BHLHE40: variants seen among roughly 807,000 people sequenced by gnomAD.
The protein encoded by BHLHE40 is class E basic helix-loop-helix protein 40.
In BHLHE40, 3 loss-of-function variants were observed where a neutral mutation model predicts 35.7. That is an observed-to-expected ratio of 0.08 (90% CI 0.04 to 0.22). The LOEUF (loss-of-function observed/expected upper bound fraction) is 0.22, where lower values mean the gene tolerates loss of function less well. Ranked by LOEUF, BHLHE40 falls within the 10% of genes least tolerant of loss-of-function variation. The pLI is 1.00. For missense variants in BHLHE40, 486 were observed against 524.0 expected, an observed-to-expected ratio of 0.93 and a Z score of 0.71; for synonymous variants, 236 against 213.0, an observed-to-expected ratio of 1.11 and a Z score of -0.94.
At chr3:4,981,329 A>G in intron 3 of BHLHE40, 63 bp from the exon 4 acceptor site, 2 of 1,562,948 alleles carry the variant, frequency 1.3e-6, no homozygotes, top group South Asian at 2.4e-5. Context: ...CTCATTGCTA[A>G]TAAATGTCCC....
chr3:4,980,124 G>A (rs765264450), intron 2 of BHLHE40, 93 bp downstream of exon 2: 326 of 1,388,786 alleles, frequency 2.3e-4, no homozygotes, highest in Non-Finnish European at 3.1e-4. Flanking sequence ...TTGGCGAGGG[G>A]ATGCAGGGTG....
chr3:4,981,693 C>T (rs2053199070), intron 4 of BHLHE40, 178 bp downstream of exon 4: 6 of 763,392 alleles, frequency 7.9e-6, no homozygotes, highest in African/African-American at 5.3e-5. Flanking sequence ...ATGCATTGTG[C>T]CACCTGGCAT....
At position 4,984,479 on chromosome 3, in the gene BHLHE40, T is replaced by A. The variant is rs183998579; in HGVS notation, c.*787T>A. 1.2e-4 allele frequency: 18 copies of A among 152,364 alleles called. No individual in the cohort carries two copies. The highest frequency in any genetic ancestry group is 1.0e-3 in the Admixed American group (16 of 15,282). The allele number at this position is 152,364 out of a possible 1,614,324, so 9.4% of individuals were successfully genotyped here. A position where few individuals can be genotyped will look rare whatever the true frequency, so the allele number is the denominator to read the frequency against. ...GTTTCTAGGCCTAACCATTAGTACT[T>A]ACTGTGCAGGGAACCAAACCAAGGT... On this transcript the variant is annotated 3_prime_UTR_variant, in exon 5 of 5. Transcript: ENST00000256495.
rs777935965 is a variant in BHLHE40, at chr3:4,982,931, C to A, written c.478C>A (p.His160Asn). ...GGAGGTGCTTCAGTATCTGGCCAAG[C>A]ACGAGAACACTCGGGACCTGAAGTC... Reference protein sequence around the residue: ...AREVLQYLAKHENTRDLKSSQ... With the variant: ...AREVLQYLAKNENTRDLKSSQ... Residue 160 changes from histidine (H) to asparagine (N), a missense_variant, in exon 5 of 5, where the codon CAC becomes AAC. Around this residue, in one of 5 missense-constraint regions of BHLHE40, gnomAD observed 176 missense variants for 180.5 expected, o/e 0.98. Transcript: ENST00000256495. The A allele has an allele frequency of 6.2e-7, 1 of 1,613,974 alleles. No individual in the cohort carries two copies. Among genetic ancestry groups the A allele is most frequent in the Non-Finnish European group, 8.5e-7 (1 of 1,180,002 alleles).
In BHLHE40 at chr3:4,983,698, C is replaced by T; in HGVS notation, c.*6C>T. 5 of 1,577,276 alleles carry T rather than the reference C, an allele frequency of 3.2e-6. No individual in the cohort carries two copies. The highest frequency in any genetic ancestry group is 4.3e-6 in the Non-Finnish European group (5 of 1,163,166). ...ACTTAGAAACCAAAGACTAAACTCT[C>T]TAGGGGATCCTGCTGCTTTGCTTTC... On this transcript the variant is annotated 3_prime_UTR_variant, in exon 5 of 5. Coordinates refer to ENST00000256495, the MANE Select transcript of BHLHE40 (RefSeq NM_003670.3). This position sits in a 1 kb window ranked among gnomAD's most constrained non-coding sequence, Gnocchi z 5.0.
Position 4,983,850 on chromosome 3 carries a change from G to GTGTGTA in BHLHE40, c.*163_*168dup, listed in dbSNP as rs113672785. ...TCAGGGTGTGTGTGTGTGTGTGTGT[G>GTGTGTA]TGTGTATGTGCGTGTGCGTGCACAT... is the stretch of plus-strand genomic sequence containing the variant. On this transcript the variant is annotated 3_prime_UTR_variant, in exon 5 of 5. Coordinates refer to ENST00000256495, the MANE Select transcript of BHLHE40 (RefSeq NM_003670.3). This position sits in a 1 kb window ranked among gnomAD's most constrained non-coding sequence, Gnocchi z 5.0. The GTGTGTA allele has an allele frequency of 0.049, 46,393 of 954,840 alleles. 707 individuals are homozygous for GTGTGTA. Among genetic ancestry groups the GTGTGTA allele is most frequent in the Admixed American group, 0.13 (4,631 of 35,548 alleles). 59.1% of individuals were successfully genotyped at this position (954,840 alleles called of 1,614,324 possible).
intron 3 of BHLHE40, 73 bp downstream of exon 3, chr3:4,980,481 G>C: frequency 7.7e-7 from 1 of 1,292,984 alleles, no homozygotes; most frequent in Non-Finnish European, 1.1e-6. Flanking sequence ...GCCGCCTGCA[G>C]GTTCCGCGGG....
At chr3:4,980,274 C>G (rs1389531642) in intron 2 of BHLHE40, 27 bp from the exon 3 acceptor site, 1 of 1,601,112 alleles carries the variant, frequency 6.2e-7, no homozygotes, top group Non-Finnish European at 8.6e-7. Flanking sequence ...TCCCCAAGCG[C>G]CCACCGCCTC....
At position 4,979,978 on chromosome 3, in the gene BHLHE40, A is replaced by C; in HGVS notation, c.97A>C (p.Met33Leu). 1 of 1,614,134 alleles carries C rather than the reference A, an allele frequency of 6.2e-7. No homozygotes were observed. The highest frequency in any genetic ancestry group is 2.2e-5 in the East Asian group (1 of 44,876). The change falls in exon 2 of 5, where the codon ATG becomes CTG. Residue 33 changes from methionine (M) to leucine (L), a missense_variant. Transcript: ENST00000256495. ...GDLPGMYPAHMYQVYKSRRGI... is the reference protein window; with the variant it reads ...GDLPGMYPAHLYQVYKSRRGI... The stretch of plus-strand genomic sequence containing the variant: ...TTCCTGCAGGATGTACCCTGCCCAC[A>C]TGTACCAAGTGTACAAGTCAAGACG...
At position 4,984,469 on chromosome 3, in the gene BHLHE40, C is replaced by G. The variant is rs187438302; in HGVS notation, c.*777C>G. 7.9e-5 allele frequency: 12 copies of G among 152,420 alleles called. 1 individual carries two copies. The highest frequency in any genetic ancestry group is 3.9e-4 in the Admixed American group (6 of 15,296). 9.4% of individuals were successfully genotyped at this position (152,420 alleles called of 1,614,324 possible). On this transcript the variant is annotated 3_prime_UTR_variant, in exon 5 of 5. Coordinates refer to ENST00000256495, the MANE Select transcript of BHLHE40 (RefSeq NM_003670.3). Reference sequence around the variant, plus strand: ...TCTGGCACCTGTTTCTAGGCCTAACCATTAGTACTTACTGTGCAGGGAACC... The same window carrying G: ...TCTGGCACCTGTTTCTAGGCCTAACGATTAGTACTTACTGTGCAGGGAACC...
chr3:4,979,772 G>C lies in BHLHE40; in HGVS notation c.54G>C (p.Pro18=). 6.3e-7 allele frequency: 1 copy of C among 1,589,234 alleles called. No individual in the cohort carries two copies. ...QPPPACLPKA[P]GLEHGDLPGM... ...CCCCCGCCTGCCTGCCCAAAGCACC[G>C]GGACTGGAGCACGGAGACCTACCAG... Residue 18 remains proline (P), a synonymous_variant, in exon 1 of 5, where the codon CCG becomes CCC. Transcript: ENST00000256495.
At chr3:4,981,142 GT>G (rs1158020919) in intron 3 of BHLHE40, among the ~76,000 whole-genome samples, 3 of 147,802 alleles carry the variant, frequency 2.0e-5, no homozygotes, top group African/African-American at 7.5e-5. Flanking sequence ...GGTGGCACCC[GT>G]TTTTTTAAAT....
At position 4,981,463 on chromosome 3, in the gene BHLHE40, A is replaced by G; in HGVS notation, c.330A>G (p.Leu110=). The G allele has an allele frequency of 6.2e-7, 1 of 1,614,054 alleles. No homozygotes were observed. Among genetic ancestry groups the G allele is most frequent in the South Asian group, 1.1e-5 (1 of 91,078 alleles). The change falls in exon 4 of 5, where the codon CTA becomes CTG. Residue 110 remains leucine (L), a synonymous_variant. Transcript: ENST00000256495. ...AGCATGTGAAAGCACTAACAAACCT[A>G]ATTGATCAGCAGCAGCAGAAAATCA... ...TLKHVKALTN[L]IDQQQQKIIA...
At position 4,984,730 on chromosome 3, in the gene BHLHE40, G is replaced by C. The variant is rs955082541; in HGVS notation, c.*1038G>C. ...TATGGAGTGTCCTTATTGCTAAAAAGGATTCCGTCTCCTTCAAAGAAGTTT... is the reference window on the plus strand; with the variant it reads ...TATGGAGTGTCCTTATTGCTAAAAACGATTCCGTCTCCTTCAAAGAAGTTT... On this transcript the variant is annotated 3_prime_UTR_variant, in exon 5 of 5. Transcript: ENST00000256495. 3.3e-5 allele frequency: 5 copies of C among 152,624 alleles called. No homozygotes were observed. Among genetic ancestry groups the C allele is most frequent in the African/African-American group, 1.2e-4 (5 of 41,442 alleles). 9.5% of individuals were successfully genotyped at this position (152,624 alleles called of 1,614,324 possible).
At position 4,983,263 on chromosome 3, in the gene BHLHE40, G is replaced by A. The variant is rs771759156; in HGVS notation, c.810G>A (p.Thr270=). The A allele has an allele frequency of 3.1e-6, 5 of 1,614,210 alleles. No individual in the cohort carries two copies. The highest frequency in any genetic ancestry group is 1.7e-5 in the Admixed American group (1 of 60,028). The change falls in exon 5 of 5, where the codon ACG becomes ACA. Residue 270 remains threonine (T), a synonymous_variant. Transcript: ENST00000256495. The surrounding 1 kb of genome is among the most constrained non-coding windows in gnomAD (Gnocchi z 5.0). ...CFKSDHGRRF[T]MGERIGAIKQ... is the part of the protein sequence containing the mutation. Reference sequence around the variant, plus strand: ...AAAGTGACCACGGACGCAGGTTCACGATGGGAGAAAGGATCGGCGCAATTA... The same window carrying A: ...AAAGTGACCACGGACGCAGGTTCACAATGGGAGAAAGGATCGGCGCAATTA...
rs761570588 is a variant in BHLHE40 at position 4,983,279 on chromosome 3, G to T, written c.826G>T (p.Gly276Cys). The T allele has an allele frequency of 6.2e-7, 1 of 1,614,162 alleles. No individual in the cohort carries two copies. Among genetic ancestry groups the T allele is most frequent in the South Asian group, 1.1e-5 (1 of 91,086 alleles). The change falls in exon 5 of 5, where the codon GGC (glycine) becomes TGC (cysteine). Residue 276 changes from glycine (G) to cysteine (C), a missense_variant. Physicochemically the swap from Gly to Cys is radical, Grantham distance 159 (BLOSUM62 -3). Coordinates refer to ENST00000256495, the MANE Select transcript of BHLHE40 (RefSeq NM_003670.3). The surrounding 1 kb of genome is among the most constrained non-coding windows in gnomAD (Gnocchi z 5.0). ...GRRFTMGERI[G>C]AIKQESEEPP... ...CAGGTTCACGATGGGAGAAAGGATC[G>T]GCGCAATTAAGCAAGAGTCCGAAGA...
Position 4,981,625 on chromosome 3 carries a change from C to G in BHLHE40, c.382+110C>G. 2.0e-5 allele frequency: 27 copies of G among 1,377,990 alleles called. No individual in the cohort carries two copies. The South Asian group carries it at 3.7e-4, about 19-fold the overall frequency. The allele number at this position is 1,377,990 out of a possible 1,614,324, so 85.4% of individuals were successfully genotyped here. On this transcript the variant is annotated intron_variant, in intron 4 of 4. Transcript: ENST00000256495. Reference sequence around the variant, plus strand: ...ATTACTGCAACAAATTGCTTATGCACGTTCATTGGGGGAGATGCAGTTTTA... The same window carrying G: ...ATTACTGCAACAAATTGCTTATGCAGGTTCATTGGGGGAGATGCAGTTTTA...
chr3:4,980,287 C>T lies in BHLHE40; in HGVS notation c.151-14C>T, dbSNP rs372502817. 4 of 1,611,534 alleles carry T rather than the reference C, an allele frequency of 2.5e-6. No homozygotes were observed. The highest frequency in any genetic ancestry group is 1.3e-5 in the African/African-American group (1 of 74,866). On this transcript the variant is annotated splice_polypyrimidine_tract_variant and intron_variant, in intron 2 of 4. Transcript: ENST00000256495. Reference sequence around the variant, plus strand: ...CTTCCCCAAGCGCCCACCGCCTCCCCGTGCGTCTTGCAGGAGACCTACAAA... The same window carrying T: ...CTTCCCCAAGCGCCCACCGCCTCCCTGTGCGTCTTGCAGGAGACCTACAAA...
At chr3:4,981,540 C>G (rs748249281) in intron 4 of BHLHE40, 25 bp downstream of exon 4, 7 of 1,611,786 alleles carry the variant, frequency 4.3e-6, no homozygotes, top group African/African-American at 2.7e-5. Flanking sequence ...TGGCTATGCT[C>G]TCTTTAAGAG....
Sources: gnomAD v4.1 joint callset for allele counts (sites outside exome capture counted in the v4.1 genomes callset) on GRCh38, gnomAD v4.1.1 for gene constraint, gnomAD v4.1.1 regional missense constraint, Gnocchi (gnomAD v3.1) non-coding constraint, MANE v1.5 for transcripts, NCBI Gene and HGNC (gene_info 2026-07-23, HGNC 2026-07-21) for gene names.